The following ROBO1 variants were observed in gnomAD, a reference collection of about 807,000 sequenced individuals.
ROBO1 encodes the protein roundabout guidance receptor 1.
In ROBO1, 149 loss-of-function variants were observed where a neutral mutation model predicts 195.9. The ratio of observed to expected loss-of-function variants is 0.76; its 90% CI spans 0.67 to 0.87. The LOEUF (loss-of-function observed/expected upper bound fraction) is 0.87, where lower values mean the gene tolerates loss of function less well. ROBO1 is among the 40% of genes least tolerant of loss of function. The pLI is 0.00. For missense variants in ROBO1, 1,933 were observed against 2,068.3 expected (o/e 0.93, Z 1.27); for synonymous variants, 816 against 733.2 (o/e 1.11, Z -1.82).
chr3:79,069,254 CTTTA>C (rs2079049994), intron 3 of ROBO1, among the ~76,000 whole-genome samples: 1 of 151,796 alleles, frequency 6.6e-6, no homozygotes, highest in Non-Finnish European at 1.5e-5. Flanking sequence ...GAACTCATCA[CTTTA>C]TGTATGTATG....
intron 2 of ROBO1, among the ~76,000 whole-genome samples, chr3:79,505,441 C>G (rs546494900): frequency 6.6e-6 from 1 of 152,288 alleles, no homozygotes; most frequent in South Asian, 2.1e-4. Flanking sequence ...AAATGTCATG[C>G]TGTCAGAGTT....
intron 3 of ROBO1, among the ~76,000 whole-genome samples, chr3:79,051,803 A>G (rs562601394): frequency 7.2e-5 from 11 of 152,206 alleles, no homozygotes; most frequent in African/African-American, 1.2e-4. Flanking sequence ...CTTTACTGCA[A>G]TCTCTGAACA....
intron 3 of ROBO1, among the ~76,000 whole-genome samples, chr3:78,981,351 A>AC: frequency 6.6e-6 from 1 of 152,300 alleles, no homozygotes; most frequent in African/African-American, 2.4e-5. Context: ...ATGACTATCA[A>AC]CCAGCATCTC....
At chr3:78,943,329 A>G (rs2040244669) in intron 3 of ROBO1, among the ~76,000 whole-genome samples, 2 of 152,150 alleles carry the variant, frequency 1.3e-5, no homozygotes, top group Admixed American at 6.5e-5. Context: ...AGGCGCCACT[A>G]AAGTGCAGTG....
intron 1 of ROBO1, among the ~76,000 whole-genome samples, chr3:79,623,348 T>A (rs555279639): frequency 6.6e-6 from 1 of 152,152 alleles, no homozygotes; most frequent in African/African-American, 2.4e-5. Context: ...GAGGATCAGA[T>A]GGATGATTTG....
At chr3:79,344,451 C>T (rs2035029062) in intron 2 of ROBO1, among the ~76,000 whole-genome samples, 1 of 152,106 alleles carries the variant, frequency 6.6e-6, no homozygotes, top group Non-Finnish European at 1.5e-5. Context: ...CTAGAAACTA[C>T]ACAATAAAAG....
intron 3 of ROBO1, among the ~76,000 whole-genome samples, chr3:79,064,602 T>C (rs2078975583): frequency 6.6e-6 from 1 of 151,926 alleles, no homozygotes; most frequent in South Asian, 2.1e-4. Flanking sequence ...GCTCAAGTAA[T>C]CCTCCTGCCT....
intron 2 of ROBO1, among the ~76,000 whole-genome samples, chr3:79,335,024 G>A (rs2034607107): frequency 6.6e-6 from 1 of 152,132 alleles, no homozygotes; most frequent in African/African-American, 2.4e-5. Flanking sequence ...GGCTGAGGCA[G>A]GAGAATTGCT....
intron 5 of ROBO1, among the ~76,000 whole-genome samples, chr3:78,746,100 CA>C (rs1251426863): frequency 6.6e-6 from 1 of 152,036 alleles, no homozygotes; most frequent in Non-Finnish European, 1.5e-5. Context: ...TCTTCCAAGA[CA>C]AAACAAACAA....
intron 9 of ROBO1, among the ~76,000 whole-genome samples, chr3:78,688,315 A>G (rs959661290): frequency 2.0e-5 from 3 of 152,206 alleles, no homozygotes; most frequent in Admixed American, 2.0e-4. Context: ...TCTTTAATAT[A>G]TAATTCCAGA....
intron 2 of ROBO1, among the ~76,000 whole-genome samples, chr3:79,203,607 T>G (rs2081809163): frequency 6.6e-6 from 1 of 152,198 alleles, no homozygotes; most frequent in African/African-American, 2.4e-5. Flanking sequence ...GGAATTTAGA[T>G]TTTAGATATG....
intron 3 of ROBO1, among the ~76,000 whole-genome samples, chr3:78,944,407 C>A (rs1175052083): frequency 6.6e-6 from 1 of 152,216 alleles, no homozygotes; most frequent in Admixed American, 6.5e-5. Flanking sequence ...CAGAAGGCAG[C>A]CATCTATAAG....
chr3:79,432,032 C>T (rs2038699361), intron 2 of ROBO1, among the ~76,000 whole-genome samples: 1 of 152,028 alleles, frequency 6.6e-6, no homozygotes, highest in African/African-American at 2.4e-5. Flanking sequence ...TAACTTTCCA[C>T]CGAAGTTTGA....
intron 3 of ROBO1, among the ~76,000 whole-genome samples, chr3:79,055,840 C>A (rs1683042192): frequency 6.6e-6 from 1 of 152,086 alleles, no homozygotes. Context: ...CAATGAAAAT[C>A]TGACACACCC....
At chr3:79,584,646 TACACACAC>T (rs368909952) in intron 2 of ROBO1, among the ~76,000 whole-genome samples, 339 of 141,670 alleles carry the variant, frequency 2.4e-3, no homozygotes, top group Non-Finnish European at 3.8e-3. Context: ...TGTATGTTCA[TACACACAC>T]ACACACATAC....
intron 2 of ROBO1, among the ~76,000 whole-genome samples, chr3:79,262,687 C>T (rs1307636586): frequency 6.6e-6 from 1 of 151,866 alleles, no homozygotes; most frequent in Non-Finnish European, 1.5e-5. Flanking sequence ...TAAAAAGTGT[C>T]TTACATGAAA....
chr3:79,584,058 A>G (rs908123471), intron 2 of ROBO1, among the ~76,000 whole-genome samples: 1 of 152,056 alleles, frequency 6.6e-6, no homozygotes, highest in African/African-American at 2.4e-5. Flanking sequence ...TTTATTGCTA[A>G]CAATTTAGAA....
intron 2 of ROBO1, among the ~76,000 whole-genome samples, chr3:79,247,843 T>A (rs1559763141): frequency 6.6e-6 from 1 of 152,024 alleles, no homozygotes; most frequent in Non-Finnish European, 1.5e-5. Context: ...AAGGACTTAT[T>A]TAAACTGGAA....
At chr3:79,258,327 C>T (rs1176242587) in intron 2 of ROBO1, among the ~76,000 whole-genome samples, 1 of 152,112 alleles carries the variant, frequency 6.6e-6, no homozygotes, top group African/African-American at 2.4e-5. Flanking sequence ...AATTCATAAA[C>T]ACACAAGCAA....
Sources: gnomAD v4.1 joint callset for allele counts (sites outside exome capture counted in the v4.1 genomes callset) on GRCh38, gnomAD v4.1.1 for gene constraint, MANE v1.5 for transcripts, NCBI Gene and HGNC (gene_info 2026-07-23, HGNC 2026-07-21) for gene names.